Variants in GEMIN8 observed in about 807,000 individuals in gnomAD.
GEMIN8 encodes gem nuclear organelle associated protein 8, also known as gem-associated protein 8.
For synonymous variants in GEMIN8, 80 were observed against 78.5 expected, an observed-to-expected ratio of 1.02 and a Z score of -0.10; for missense variants, 185 against 205.9, an observed-to-expected ratio of 0.90 and a Z score of 0.62.
downstream of GEMIN8, among the ~76,000 whole-genome samples, chrX:14,005,941 T>C (rs749080221): frequency 1.3e-3 from 150 of 111,408 alleles, 1 homozygote; most frequent in African/African-American, 4.7e-3. Flanking sequence ...CTCCAACACA[T>C]GTTCCCCTCG....
In GEMIN8 at chrX:14,020,200, G is replaced by C. The variant is rs143025002; in HGVS notation, c.350C>G (p.Ser117Cys). Residue 117 changes from serine to cysteine, a missense_variant, in exon 4 of 5, where the codon TCC becomes TGC. Transcript: ENST00000680255. ...QASTKEDQAL[S>C]KEEEMETESD... ...CTCAGTCTCCATCTCTTCCTCTTTG[G>C]ACAAAGCTTGGTCTTCTTTTGTGGA... is the stretch of plus-strand genomic sequence containing the variant. 8.1e-5 allele frequency: 98 copies of C among 1,205,897 alleles called. No homozygotes were observed. The highest frequency in any genetic ancestry group is 1.0e-4 in the Non-Finnish European group (89 of 891,875).
At chrX:13,991,136 T>C in the GEMIN8 span, among the ~76,000 whole-genome samples, 1 of 112,643 alleles carries the variant, frequency 8.9e-6, no homozygotes, top group African/African-American at 3.2e-5. Context: ...AAGTTCAGAC[T>C]GAAAGAGAAA....
chrX:14,016,324 T>C (rs759185730), intron 4 of GEMIN8, among the ~76,000 whole-genome samples: 2 of 112,191 alleles, frequency 1.8e-5, no homozygotes, highest in Non-Finnish European at 3.8e-5. Flanking sequence ...TTAGTAATAT[T>C]GAAGTGGGTT....
At chrX:14,004,787 T>G (rs909909742), downstream of GEMIN8, among the ~76,000 whole-genome samples, 2 of 111,744 alleles carry the variant, frequency 1.8e-5, no homozygotes, top group Non-Finnish European at 3.8e-5. Context: ...GGTCTCGAAC[T>G]CCTGGCCTCA....
At chrX:14,013,575 A>C (rs1040902983) in intron 4 of GEMIN8, among the ~76,000 whole-genome samples, 5 of 111,046 alleles carry the variant, frequency 4.5e-5, no homozygotes, top group African/African-American at 1.6e-4. Context: ...GTGGACCCTA[A>C]CTCCAATGAC....
downstream of GEMIN8, among the ~76,000 whole-genome samples, chrX:14,002,097 CAAAAA>C (rs59550732): frequency 4.2e-5 from 1 of 23,643 alleles, no homozygotes; most frequent in South Asian, 3.2e-3. Flanking sequence ...TGCACTCCAG[CAAAAA>C]AAAAAAAAAA....
chrX:14,013,882 C>T lies in GEMIN8; in HGVS notation c.473-4713G>A, dbSNP rs182237409. 3.9e-5 allele frequency: 25 copies of T among 634,118 alleles called. No homozygotes were observed. The East Asian group carries it at 3.8e-3, about 97-fold the overall frequency. The allele number at this position is 634,118 out of a possible 1,213,427, so 52.3% of individuals were successfully genotyped here. On this transcript the variant is annotated intron_variant, in intron 4 of 4. Coordinates refer to ENST00000680255, the MANE Select transcript of GEMIN8 (RefSeq NM_001042479.2). ...GGGTTAATATGCATATAGGTTAAAA[C>T]AAGAACAATAGGCATGTATTATTAA...
intron 1 of GEMIN8, among the ~76,000 whole-genome samples, chrX:14,027,440 A>G (rs1388020828): frequency 8.9e-6 from 1 of 112,758 alleles, no homozygotes; most frequent in Non-Finnish European, 1.9e-5. Context: ...GGCCTACTCA[A>G]GTGCACATGC....
chrX:14,029,367 G>T (rs1033321430), intron 1 of GEMIN8: 3 of 112,386 alleles, frequency 2.7e-5, no homozygotes, highest in African/African-American at 9.7e-5. Context: ...TGGACTGGAT[G>T]GGCAAAATCC....
At position 14,021,505 on chromosome X, in the gene GEMIN8, G is replaced by A. The variant is rs1158592329; in HGVS notation, c.-27C>T. The A allele has an allele frequency of 2.6e-6, 3 of 1,155,813 alleles. No individual in the cohort carries two copies. In the South Asian group the frequency reaches 5.4e-5, roughly 21 times the overall value. On this transcript the variant is annotated 5_prime_UTR_variant, in exon 3 of 5. Coordinates refer to ENST00000680255, the MANE Select transcript of GEMIN8 (RefSeq NM_001042479.2). ...TCTGATTGTGAAAGTCCAAATGGGTGCTGAAACTAGGAAAGAAGAATCACA... is the reference window on the plus strand; with the variant it reads ...TCTGATTGTGAAAGTCCAAATGGGTACTGAAACTAGGAAAGAAGAATCACA...
chrX:13,987,712 G>A, the GEMIN8 span, among the ~76,000 whole-genome samples: 1 of 112,177 alleles, frequency 8.9e-6, no homozygotes, highest in Non-Finnish European at 1.9e-5. Context: ...GCATGGCTAT[G>A]TGAGACCCCT....
At chrX:13,996,575 T>C in the GEMIN8 span, among the ~76,000 whole-genome samples, 1 of 111,541 alleles carries the variant, frequency 9.0e-6, no homozygotes. Context: ...GAATTCAAGA[T>C]GAGAGTTGGG....
intron 4 of GEMIN8, among the ~76,000 whole-genome samples, chrX:14,012,131 ATTT>A (rs1169756628): frequency 1.0e-5 from 1 of 97,045 alleles, no homozygotes; most frequent in African/African-American, 3.7e-5. Flanking sequence ...TTCCTCATGA[ATTT>A]TTTTTTTTTT....
At chrX:14,002,798 G>A (rs982998146), downstream of GEMIN8, among the ~76,000 whole-genome samples, 5 of 111,908 alleles carry the variant, frequency 4.5e-5, no homozygotes, top group Non-Finnish European at 9.4e-5. Flanking sequence ...CACCACGCCC[G>A]GCCAACATCT....
chrX:14,001,978 G>A (rs964697685), downstream of GEMIN8, among the ~76,000 whole-genome samples: 2 of 107,904 alleles, frequency 1.9e-5, no homozygotes, highest in Non-Finnish European at 3.8e-5. Context: ...CAAAAAAGCC[G>A]GGCGTGGTGG....
At position 14,021,814 on chromosome X, in the gene GEMIN8, G is replaced by GTGTA. The variant is rs372889181; in HGVS notation, c.-33-304_-33-303insTACA. 2.9e-4 allele frequency among the ~76,000 whole-genome samples: 23 copies of GTGTA among 78,274 alleles called. No homozygotes were observed. In the South Asian group the frequency reaches 3.0e-3, roughly 10 times the overall value. 68.0% of individuals were successfully genotyped at this position (78,274 alleles called of 115,157 possible). A position where few individuals can be genotyped will look rare whatever the true frequency, so the allele number is the denominator to read the frequency against. Reference sequence around the variant, plus strand: ...TAAATATTTAGTAGTTAATGTGTGTGTATATATATATATATATATATATAT... The same window carrying GTGTA: ...TAAATATTTAGTAGTTAATGTGTGTGTGTATATATATATATATATATATATATAT... On this transcript the variant is annotated intron_variant, in intron 2 of 4. Transcript: ENST00000680255.
chrX:13,997,898 CA>C, the GEMIN8 span, among the ~76,000 whole-genome samples: 14,514 of 44,922 alleles, frequency 0.32, 1,107 homozygotes, highest in African/African-American at 0.38. Flanking sequence ...GACTCTGTCT[CA>C]AAAAAAAAAA....
intron 4 of GEMIN8, among the ~76,000 whole-genome samples, chrX:14,012,890 C>CTGTTCTCTTACATTCGAA (rs1923659913): frequency 1.8e-5 from 2 of 111,279 alleles, no homozygotes; most frequent in Admixed American, 1.9e-4. Flanking sequence ...GGGTCGGACC[C>CTGTTCTCTTACATTCGAA]TGTTCTCTTA....
chrX:14,013,039 A>T (rs1923669207), intron 4 of GEMIN8, among the ~76,000 whole-genome samples: 1 of 112,823 alleles, frequency 8.9e-6, no homozygotes, highest in Non-Finnish European at 1.9e-5. Context: ...CCAGCATGTG[A>T]AAGTACTTTA....
Sources: gnomAD v4.1 joint callset for allele counts (sites outside exome capture counted in the v4.1 genomes callset) on GRCh38, gnomAD v4.1.1 for gene constraint, MANE v1.5 for transcripts, NCBI Gene and HGNC (gene_info 2026-07-23, HGNC 2026-07-21) for gene names.